BABAM2: variants seen among roughly 807,000 people sequenced by gnomAD.
BABAM2 encodes the protein BRISC and BRCA1-A complex member 2.
Under a neutral mutation model 54.7 loss-of-function variants are expected in BABAM2, and 31 were observed. The ratio of observed to expected loss-of-function variants is 0.57; its 90% CI spans 0.43 to 0.77. BABAM2 has a LOEUF of 0.77. Ranked by LOEUF, BABAM2 falls within the 30% of genes least tolerant of loss-of-function variation. The pLI, the probability that BABAM2 is intolerant of heterozygous loss-of-function variation, is 0.00. For missense variants in BABAM2, 364 were observed against 455.8 expected, an observed-to-expected ratio of 0.80 and a Z score of 1.83; for synonymous variants, 167 against 162.9, an observed-to-expected ratio of 1.03 and a Z score of -0.19.
intron 7 of BABAM2, among the ~76,000 whole-genome samples, chr2:28,162,293 T>C (rs559376881): frequency 2.0e-5 from 3 of 152,162 alleles, no homozygotes; most frequent in Non-Finnish European, 4.4e-5. Context: ...CATGGCTCTC[T>C]TCAGGATGCT....
intron 3 of BABAM2, among the ~76,000 whole-genome samples, chr2:27,939,483 T>G (rs542726552): frequency 6.6e-6 from 1 of 152,340 alleles, no homozygotes; most frequent in Admixed American, 6.5e-5. Context: ...GTGTTCAGAT[T>G]TTCGTTGGTT....
At chr2:27,941,302 C>T (rs768841327) in intron 3 of BABAM2, among the ~76,000 whole-genome samples, 7 of 152,110 alleles carry the variant, frequency 4.6e-5, no homozygotes, top group Non-Finnish European at 5.9e-5. Flanking sequence ...CGGTGGCTCA[C>T]GCCTGTAATC....
At chr2:28,134,777 T>C (rs1193355195) in intron 7 of BABAM2, among the ~76,000 whole-genome samples, 4 of 152,188 alleles carry the variant, frequency 2.6e-5, no homozygotes, top group Non-Finnish European at 5.9e-5. Context: ...TGTGAGGCCC[T>C]TTGCTAGGTG....
chr2:28,205,270 G>C (rs1048199391), intron 7 of BABAM2, among the ~76,000 whole-genome samples: 4 of 152,058 alleles, frequency 2.6e-5, no homozygotes, highest in Non-Finnish European at 5.9e-5. Context: ...GGGAGGCTGA[G>C]GTGGGTGGAT....
chr2:28,150,803 C>T (rs1199746789), intron 7 of BABAM2, among the ~76,000 whole-genome samples: 1 of 152,212 alleles, frequency 6.6e-6, no homozygotes, highest in East Asian at 1.9e-4. Context: ...GATTCCTCCA[C>T]TTGTAAAACA....
chr2:28,139,286 A>G (rs1441488852), intron 7 of BABAM2, among the ~76,000 whole-genome samples: 1 of 139,272 alleles, frequency 7.2e-6, no homozygotes, highest in African/African-American at 2.8e-5. Context: ...GCACCATTGC[A>G]CTCCAGCCTG....
intron 2 of BABAM2, among the ~76,000 whole-genome samples, chr2:27,924,363 A>G (rs184444512): frequency 1.9e-3 from 283 of 152,144 alleles, no homozygotes; most frequent in Non-Finnish European, 3.2e-3. Flanking sequence ...CCTCAAGGCA[A>G]CAGAGGAAAG....
At chr2:27,948,600 G>A (rs1468796763) in intron 3 of BABAM2, among the ~76,000 whole-genome samples, 1 of 152,102 alleles carries the variant, frequency 6.6e-6, no homozygotes, top group African/African-American at 2.4e-5. Context: ...GCAAAACCCT[G>A]TCTCTACTAA....
intron 4 of BABAM2, among the ~76,000 whole-genome samples, chr2:27,997,187 C>T (rs1673217180): frequency 6.6e-6 from 1 of 151,840 alleles, no homozygotes; most frequent in Admixed American, 6.6e-5. Flanking sequence ...ATATGAAAAC[C>T]TAGGTGTTCA....
chr2:28,272,370 C>T (rs1685490563), intron 10 of BABAM2, among the ~76,000 whole-genome samples: 1 of 152,130 alleles, frequency 6.6e-6, no homozygotes, highest in Admixed American at 6.5e-5. Flanking sequence ...AGGCAAAATC[C>T]TTTAAAACTT....
At chr2:27,949,955 G>A (rs1056295934) in intron 3 of BABAM2, among the ~76,000 whole-genome samples, 1 of 152,094 alleles carries the variant, frequency 6.6e-6, no homozygotes, top group African/African-American at 2.4e-5. Context: ...TGCACAGAGA[G>A]ACCACCTTTT....
intron 10 of BABAM2, among the ~76,000 whole-genome samples, chr2:28,273,869 C>T (rs1399119883): frequency 6.6e-6 from 1 of 152,208 alleles, no homozygotes; most frequent in African/African-American, 2.4e-5. Context: ...ATTCAGCTTC[C>T]TCGTCTGTGA....
chr2:28,198,959 T>C (rs76531919), intron 7 of BABAM2, among the ~76,000 whole-genome samples: 4,910 of 152,292 alleles, frequency 0.032, 243 homozygotes, highest in African/African-American at 0.11. Context: ...CTCTGAACTT[T>C]AGGGAGGAAG....
chr2:28,258,317 A>G (rs759954122), intron 10 of BABAM2, among the ~76,000 whole-genome samples: 1 of 152,212 alleles, frequency 6.6e-6, no homozygotes, highest in Non-Finnish European at 1.5e-5. Flanking sequence ...GCTGGGTCCT[A>G]TGGTGCACGT....
chr2:28,191,918 G>GA (rs1676952807), intron 7 of BABAM2, among the ~76,000 whole-genome samples: 1 of 152,108 alleles, frequency 6.6e-6, no homozygotes, highest in Admixed American at 6.6e-5. Flanking sequence ...ATAAAAAAAA[G>GA]AAAAAAGAAC....
intron 7 of BABAM2, among the ~76,000 whole-genome samples, chr2:28,195,483 A>G (rs1040166193): frequency 6.6e-6 from 1 of 152,222 alleles, no homozygotes; most frequent in Non-Finnish European, 1.5e-5. Context: ...TGAGAATTCT[A>G]AAGTTTAAAG....
intron 3 of BABAM2, among the ~76,000 whole-genome samples, chr2:27,971,617 C>T (rs1410769397): frequency 6.6e-6 from 1 of 151,316 alleles, no homozygotes; most frequent in Non-Finnish European, 1.5e-5. Context: ...GTTCTAGGAG[C>T]TACACCTAAA....
At chr2:28,136,500 G>C (rs1002942665) in intron 7 of BABAM2, among the ~76,000 whole-genome samples, 1 of 152,248 alleles carries the variant, frequency 6.6e-6, no homozygotes, top group Non-Finnish European at 1.5e-5. Context: ...AGAAAGCTGT[G>C]ACACTATGTG....
intron 7 of BABAM2, among the ~76,000 whole-genome samples, chr2:28,181,007 A>G (rs531311062): frequency 3.9e-5 from 6 of 152,170 alleles, no homozygotes; most frequent in Admixed American, 2.0e-4. Context: ...ATGCACTGTC[A>G]GTAGGAATGT....
Sources: gnomAD v4.1 joint callset for allele counts (sites outside exome capture counted in the v4.1 genomes callset) on GRCh38, gnomAD v4.1.1 for gene constraint, MANE v1.5 for transcripts, NCBI Gene and HGNC (gene_info 2026-07-23, HGNC 2026-07-21) for gene names.